MYO16: variants seen among roughly 807,000 people sequenced by gnomAD.
MYO16 encodes unconventional myosin-XVI.
MYO16 carries 94 observed loss-of-function variants against 205.3 expected under a neutral mutation model. That is an observed-to-expected ratio of 0.46 (90% CI 0.39 to 0.54). The LOEUF is 0.54. Among genes scored for constraint, MYO16 ranks in the 20% least tolerant of loss-of-function variants. MYO16 has a pLI of 0.00. For missense variants in MYO16, 2,315 were observed against 2,387.5 expected (o/e 0.97, Z 0.63); for synonymous variants, 988 against 954.0 (o/e 1.04, Z -0.66).
At chr13:109,023,357 G>GCT (rs1886180082) in intron 23 of MYO16, among the ~76,000 whole-genome samples, 4 of 60,022 alleles carry the variant, frequency 6.7e-5, no homozygotes, top group African/African-American at 2.9e-4. Context: ...ATATTATACA[G>GCT]ATATAAATAT....
intron 22 of MYO16, among the ~76,000 whole-genome samples, chr13:109,012,614 C>G (rs1885639667): frequency 6.6e-6 from 1 of 152,046 alleles, no homozygotes; most frequent in Non-Finnish European, 1.5e-5. Context: ...TTGTCTTCCA[C>G]AAAACCGTTC....
At chr13:109,123,766 G>C (rs1876109152) in intron 29 of MYO16, among the ~76,000 whole-genome samples, 2 of 152,138 alleles carry the variant, frequency 1.3e-5, no homozygotes, top group Admixed American at 1.3e-4. Context: ...AGAACGTTCT[G>C]TTCAGCTTTC....
the MYO16 span, among the ~76,000 whole-genome samples, chr13:108,588,313 G>T: frequency 6.6e-6 from 1 of 152,154 alleles, no homozygotes; most frequent in Non-Finnish European, 1.5e-5. Flanking sequence ...GACAAATGTG[G>T]CTATTTCCTA....
At chr13:109,133,257 T>C (rs1201086552) in intron 31 of MYO16, among the ~76,000 whole-genome samples, 2 of 152,212 alleles carry the variant, frequency 1.3e-5, no homozygotes, top group African/African-American at 4.8e-5. Flanking sequence ...CTGTGCTCTG[T>C]GCTATGTTTG....
intron 1 of MYO16, among the ~76,000 whole-genome samples, chr13:108,609,227 T>C (rs1035229744): frequency 2.0e-5 from 3 of 152,140 alleles, no homozygotes; most frequent in African/African-American, 4.8e-5. Flanking sequence ...TGCCCAGCCC[T>C]TCTTCTTATT....
At chr13:109,121,114 C>T (rs993260937) in intron 29 of MYO16, among the ~76,000 whole-genome samples, 6 of 152,130 alleles carry the variant, frequency 3.9e-5, no homozygotes, top group Non-Finnish European at 7.4e-5. Context: ...ATGCTAGTCC[C>T]TTGAACAGTC....
chr13:108,729,010 A>G (rs1436327228), intron 4 of MYO16, among the ~76,000 whole-genome samples: 4 of 148,914 alleles, frequency 2.7e-5, no homozygotes, highest in Non-Finnish European at 5.9e-5. Flanking sequence ...CAGTAGAAAT[A>G]TATGTCACTA....
intron 31 of MYO16, among the ~76,000 whole-genome samples, chr13:109,131,325 G>T (rs1443370616): frequency 6.6e-6 from 1 of 152,192 alleles, no homozygotes; most frequent in Admixed American, 6.5e-5. Context: ...TCACTTCAAA[G>T]TTGTCTTTGT....
chr13:108,827,711 C>T (rs372097557), intron 9 of MYO16, among the ~76,000 whole-genome samples: 1 of 152,198 alleles, frequency 6.6e-6, no homozygotes, highest in Non-Finnish European at 1.5e-5. Flanking sequence ...CTCTGCTCCT[C>T]AGTTCCTTCT....
intron 2 of MYO16, among the ~76,000 whole-genome samples, chr13:108,697,078 TCA>T (rs1883122357): frequency 6.6e-6 from 1 of 152,172 alleles, no homozygotes; most frequent in Non-Finnish European, 1.5e-5. Flanking sequence ...CTGTGAAATT[TCA>T]GTTTTAAAAT....
intron 20 of MYO16, among the ~76,000 whole-genome samples, chr13:108,986,104 C>T (rs770939553): frequency 5.3e-5 from 8 of 152,068 alleles, no homozygotes; most frequent in African/African-American, 9.7e-5. Context: ...CATCAGATCT[C>T]GTGAGACTTA....
At chr13:109,080,127 A>G (rs7492220) in intron 27 of MYO16, among the ~76,000 whole-genome samples, 85,943 of 151,836 alleles carry the variant, frequency 0.57, 24,514 homozygotes, top group Non-Finnish European at 0.6. Flanking sequence ...CACCCACCTC[A>G]GCCTCCCAAA....
chr13:108,671,940 T>C (rs1264668712), intron 2 of MYO16, among the ~76,000 whole-genome samples: 1 of 152,152 alleles, frequency 6.6e-6, no homozygotes, highest in Non-Finnish European at 1.5e-5. Flanking sequence ...GGCTTCTACA[T>C]ATGATTTTTG....
intron 2 of MYO16, among the ~76,000 whole-genome samples, chr13:108,671,009 G>T (rs1005969034): frequency 6.6e-6 from 1 of 152,122 alleles, no homozygotes; most frequent in Non-Finnish European, 1.5e-5. Context: ...TTGGTATAAA[G>T]ACACTAAAAT....
chr13:108,598,849 C>CT lies in MYO16; in HGVS notation c.-39+2620dup, dbSNP rs5806742. On this transcript the variant is annotated intron_variant, in intron 1 of 24. Transcript: ENST00000251041. ...GTGTAGGTATTCTTTTTCTTTTTTT[C>CT]TTTTTTTTTTATTATACTTTAAGTT... Among the ~76,000 whole-genome samples the CT allele has an allele frequency of 1.9e-3, 281 of 149,624 alleles. 1 individual carries two copies. The highest frequency in any genetic ancestry group is 5.0e-3 in the African/African-American group (203 of 40,796).
intron 4 of MYO16, among the ~76,000 whole-genome samples, chr13:108,772,507 T>C (rs1050966564): frequency 2.0e-5 from 3 of 152,138 alleles, no homozygotes; most frequent in African/African-American, 7.2e-5. Flanking sequence ...TTTGGCCATG[T>C]TAATAGGTAT....
intron 9 of MYO16, among the ~76,000 whole-genome samples, chr13:108,838,548 G>T (rs1211188152): frequency 1.3e-5 from 2 of 149,642 alleles, no homozygotes; most frequent in African/African-American, 4.9e-5. Flanking sequence ...CATGCCTGTA[G>T]TCCCAGCTAT....
At chr13:108,847,623 G>A (rs922594302) in intron 10 of MYO16, among the ~76,000 whole-genome samples, 2 of 152,126 alleles carry the variant, frequency 1.3e-5, no homozygotes, top group African/African-American at 4.8e-5. Context: ...TTTATAAAGT[G>A]TAGGTCTTAT....
intron 3 of MYO16, among the ~76,000 whole-genome samples, chr13:108,726,362 C>T (rs1884335982): frequency 6.6e-6 from 1 of 151,812 alleles, no homozygotes; most frequent in South Asian, 2.1e-4. Flanking sequence ...AGATTGAGAC[C>T]ATCCTGGCCA....
Sources: gnomAD v4.1 joint callset for allele counts (sites outside exome capture counted in the v4.1 genomes callset) on GRCh38, gnomAD v4.1.1 for gene constraint, MANE v1.5 for transcripts, NCBI Gene and HGNC (gene_info 2026-07-23, HGNC 2026-07-21) for gene names.